SLC35F3: variants seen among roughly 807,000 people sequenced by gnomAD.
SLC35F3 encodes the protein solute carrier family 35 member F3.
Under a neutral mutation model 49.9 loss-of-function variants are expected in SLC35F3, and 25 were observed. That is an observed-to-expected ratio of 0.50 (90% CI 0.37 to 0.70). The LOEUF (loss-of-function observed/expected upper bound fraction) is 0.70. Among genes scored for constraint, SLC35F3 ranks in the 30% least tolerant of loss-of-function variants. The pLI is 0.00. For synonymous variants in SLC35F3, 275 were observed against 265.4 expected (o/e 1.04, Z -0.35); for missense variants, 525 against 639.8 (o/e 0.82, Z 1.94).
intron 2 of SLC35F3, among the ~76,000 whole-genome samples, chr1:234,114,843 G>C (rs1266199321): frequency 1.3e-5 from 2 of 152,178 alleles, no homozygotes; most frequent in Non-Finnish European, 2.9e-5. Flanking sequence ...TTGGAAACGG[G>C]TCATCTTGAG....
intron 2 of SLC35F3, among the ~76,000 whole-genome samples, chr1:233,941,963 T>TTG (rs1553289192): frequency 1.6e-3 from 144 of 92,332 alleles, no homozygotes; most frequent in Admixed American, 2.6e-3. Context: ...TGTTTTTTTG[T>TTG]TTTTTTTTTT....
intron 2 of SLC35F3, among the ~76,000 whole-genome samples, chr1:233,970,313 G>T (rs1662971917): frequency 6.6e-6 from 1 of 152,174 alleles, no homozygotes; most frequent in Non-Finnish European, 1.5e-5. Context: ...CCCTTCAAGG[G>T]TCTGTGATCC....
chr1:234,181,338 G>GAAAAAAAAAAAAAAAAGAAAGAAAAAAAA (rs1666553244), intron 2 of SLC35F3, among the ~76,000 whole-genome samples: 1 of 97,310 alleles, frequency 1.0e-5, no homozygotes, highest in Non-Finnish European at 2.1e-5. Context: ...TCTGTCTCAA[G>GAAAAAAAAAAAAAAAAGAAAGAAAAAAAA]AAAAAAAAAA....
chr1:234,073,293 G>A (rs1006397988), intron 2 of SLC35F3, among the ~76,000 whole-genome samples: 2 of 152,142 alleles, frequency 1.3e-5, no homozygotes, highest in African/African-American at 4.8e-5. Flanking sequence ...ATAGCCATGA[G>A]CCACCAAGTC....
At chr1:234,172,555 A>C (rs1312929436) in intron 2 of SLC35F3, among the ~76,000 whole-genome samples, 1 of 152,234 alleles carries the variant, frequency 6.6e-6, no homozygotes, top group East Asian at 1.9e-4. Flanking sequence ...AAAATAGTTC[A>C]GTGTCACTTA....
At position 234,229,809 on chromosome 1, in the gene SLC35F3, A is replaced by G. The variant is rs185957701; in HGVS notation, c.284-1608A>G. ...GCAGGTAATCCGTGTGTAAATTGAA[A>G]TGTGCATGCTTCTGTCTGAAACTGC... On this transcript the variant is annotated intron_variant, in intron 2 of 7. Transcript: ENST00000366618. Among the ~76,000 whole-genome samples the G allele has an allele frequency of 1.8e-4, 27 of 152,356 alleles. No individual in the cohort carries two copies. In the East Asian group the frequency reaches 4.4e-3, roughly 25 times the overall value.
chr1:234,277,870 G>T (rs182331272), intron 3 of SLC35F3, among the ~76,000 whole-genome samples: 2 of 152,324 alleles, frequency 1.3e-5, no homozygotes. Context: ...AACTCTAAAA[G>T]GAGGATGTGC....
At chr1:234,190,019 G>A (rs1344323884) in intron 2 of SLC35F3, among the ~76,000 whole-genome samples, 1 of 152,132 alleles carries the variant, frequency 6.6e-6, no homozygotes, top group East Asian at 1.9e-4. Context: ...CACACACTAA[G>A]AGAATTCATC....
chr1:234,061,797 G>A (rs532749453), intron 2 of SLC35F3, among the ~76,000 whole-genome samples: 14 of 151,966 alleles, frequency 9.2e-5, no homozygotes, highest in Non-Finnish European at 1.6e-4. Context: ...CAGAATTTAC[G>A]TTTGGCTTTT....
At chr1:234,259,088 G>A (rs1410033077) in intron 3 of SLC35F3, among the ~76,000 whole-genome samples, 5 of 152,218 alleles carry the variant, frequency 3.3e-5, no homozygotes, top group Non-Finnish European at 5.9e-5. Context: ...CCTGGATGAA[G>A]TAAGACTTTG....
At chr1:233,915,393 G>T (rs1029084293) in intron 2 of SLC35F3, among the ~76,000 whole-genome samples, 2 of 152,124 alleles carry the variant, frequency 1.3e-5, no homozygotes, top group African/African-American at 4.8e-5. Context: ...AAGATGTCCT[G>T]TTCTTAGCCA....
At chr1:233,931,380 T>A (rs552511820) in intron 2 of SLC35F3, among the ~76,000 whole-genome samples, 2 of 152,242 alleles carry the variant, frequency 1.3e-5, no homozygotes, top group East Asian at 3.9e-4. Flanking sequence ...ATTTTTACAA[T>A]CTATCCATCT....
At chr1:234,052,035 G>T (rs915878728) in intron 2 of SLC35F3, among the ~76,000 whole-genome samples, 1 of 152,116 alleles carries the variant, frequency 6.6e-6, no homozygotes, top group Non-Finnish European at 1.5e-5. Flanking sequence ...TGCTGGATTC[G>T]GTTTGCCAGT....
intron 3 of SLC35F3, among the ~76,000 whole-genome samples, chr1:234,281,081 T>TC (rs111906874): frequency 0.02 from 2,914 of 148,456 alleles, 56 homozygotes; most frequent in African/African-American, 0.06. Context: ...CTAAATTGTG[T>TC]CCCCCCCCCA....
intron 2 of SLC35F3, among the ~76,000 whole-genome samples, chr1:234,191,632 A>C (rs542265784): frequency 4.3e-4 from 66 of 152,230 alleles, no homozygotes; most frequent in Admixed American, 8.5e-4. Flanking sequence ...ACAACAACAA[A>C]AAAAAATACG....
At chr1:234,191,629 C>T (rs528485824) in intron 2 of SLC35F3, among the ~76,000 whole-genome samples, 1 of 127,802 alleles carries the variant, frequency 7.8e-6, no homozygotes, top group East Asian at 2.0e-4. Context: ...GAAACAACAA[C>T]AAAAAAAAAT....
At chr1:234,087,053 T>C (rs1472895956) in intron 2 of SLC35F3, among the ~76,000 whole-genome samples, 1 of 152,228 alleles carries the variant, frequency 6.6e-6, no homozygotes, top group African/African-American at 2.4e-5. Context: ...TTTGAACTTC[T>C]AGGAAGGGCA....
chr1:234,311,966 A>G (rs1442882962), intron 4 of SLC35F3, among the ~76,000 whole-genome samples: 1 of 152,256 alleles, frequency 6.6e-6, no homozygotes, highest in Non-Finnish European at 1.5e-5. Flanking sequence ...TGTGAGAATA[A>G]GATGATGCAT....
intron 2 of SLC35F3, among the ~76,000 whole-genome samples, chr1:233,932,583 T>G (rs1304992316): frequency 6.6e-6 from 1 of 152,176 alleles, no homozygotes; most frequent in Non-Finnish European, 1.5e-5. Flanking sequence ...TAAAAGGGTA[T>G]GCACGTATGT....
Sources: gnomAD v4.1 joint callset for allele counts (sites outside exome capture counted in the v4.1 genomes callset) on GRCh38, gnomAD v4.1.1 for gene constraint, MANE v1.5 for transcripts, NCBI Gene and HGNC (gene_info 2026-07-23, HGNC 2026-07-21) for gene names.